The following COA1 variants were observed in gnomAD, a reference collection of about 807,000 sequenced individuals.
The protein encoded by COA1 is cytochrome c oxidase assembly factor 1 homolog.
A neutral mutation model predicts 16.0 loss-of-function variants in COA1; 13 were observed. That is an observed-to-expected ratio of 0.81 (90% CI 0.53 to 1.29). The LOEUF (loss-of-function observed/expected upper bound fraction) is 1.29, where lower values mean the gene tolerates loss of function less well. Ranked by LOEUF, COA1 falls within the 50% of genes most tolerant of loss-of-function variation. COA1 has a pLI of 0.00. For missense variants in COA1, 179 were observed against 177.0 expected, an observed-to-expected ratio of 1.01 and a Z score of -0.06; for synonymous variants, 65 against 65.7, an observed-to-expected ratio of 0.99 and a Z score of 0.05.
At chr7:43,616,693 C>T (rs535084342) in intron 6 of COA1, among the ~76,000 whole-genome samples, 296 of 152,092 alleles carry the variant, frequency 1.9e-3, no homozygotes, top group African/African-American at 6.9e-3. Flanking sequence ...GTCAGGAGAT[C>T]GAGACCATCC....
chr7:43,668,082 G>C (rs935703594), intron 1 of COA1, among the ~76,000 whole-genome samples: 4 of 152,230 alleles, frequency 2.6e-5, no homozygotes, highest in Non-Finnish European at 4.4e-5. Flanking sequence ...TTGACTGAAA[G>C]GGTGTGTTTC....
intron 1 of COA1, among the ~76,000 whole-genome samples, chr7:43,669,202 C>T (rs1022772112): frequency 6.6e-6 from 1 of 152,144 alleles, no homozygotes; most frequent in Non-Finnish European, 1.5e-5. Context: ...GTGACATCTC[C>T]ACATGGGGGG....
At chr7:43,685,948 T>C (rs1467991124) in intron 1 of COA1, among the ~76,000 whole-genome samples, 1 of 152,198 alleles carries the variant, frequency 6.6e-6, no homozygotes, top group African/African-American at 2.4e-5. Context: ...TCCTGGTTGA[T>C]ACAAAAAAAT....
chr7:43,619,530 T>A, intron 6 of COA1: 1 of 1,555,116 alleles, frequency 6.4e-7, no homozygotes, highest in Non-Finnish European at 8.7e-7. Flanking sequence ...ATATGTTTTA[T>A]GGGCTGCATG....
intron 1 of COA1, 119 bp from the exon 2 acceptor site, chr7:43,648,771 T>C: frequency 1.4e-6 from 1 of 722,676 alleles, no homozygotes. Context: ...GAAGTTAAAA[T>C]TAAACTCTAA....
chr7:43,692,025 T>C (rs2094388291), intron 1 of COA1, among the ~76,000 whole-genome samples: 1 of 152,150 alleles, frequency 6.6e-6, no homozygotes, highest in African/African-American at 2.4e-5. Flanking sequence ...CCCTGTAACT[T>C]GGTTCAAGCT....
intron 4 of COA1, among the ~76,000 whole-genome samples, chr7:43,644,805 G>GC (rs2088680751): frequency 7.0e-6 from 1 of 143,472 alleles, no homozygotes; most frequent in Admixed American, 6.9e-5. Context: ...GAGACAGAGA[G>GC]AGAGAGAGAG....
chr7:43,675,265 CTT>C (rs1326778857), intron 1 of COA1, among the ~76,000 whole-genome samples: 4 of 152,150 alleles, frequency 2.6e-5, no homozygotes, highest in African/African-American at 9.7e-5. Flanking sequence ...AAAATGAAGA[CTT>C]CATGTCCTTT....
At chr7:43,633,554 A>G (rs2085379771) in intron 6 of COA1, 1 of 150,928 alleles carries the variant, frequency 6.6e-6, no homozygotes. Context: ...ATCACTGATC[A>G]CAGCTCTCCA....
At chr7:43,634,316 C>T (rs1397038011), downstream of COA1, among the ~76,000 whole-genome samples, 2 of 152,140 alleles carry the variant, frequency 1.3e-5, no homozygotes, top group African/African-American at 2.4e-5. Flanking sequence ...ATCATGTTTT[C>T]GTAGGTCTAC....
chr7:43,636,750 G>A (rs940062888), downstream of COA1, among the ~76,000 whole-genome samples: 3 of 152,214 alleles, frequency 2.0e-5, no homozygotes, highest in Admixed American at 6.5e-5. Context: ...GCAAGTGGAG[G>A]CTAATTCTAG....
At chr7:43,624,618 A>G (rs747876258) in intron 6 of COA1, 20 of 1,613,996 alleles carry the variant, frequency 1.2e-5, no homozygotes, top group South Asian at 2.2e-5. Flanking sequence ...AGAAGAAGCA[A>G]ATGCCCTCCA....
intron 1 of COA1, among the ~76,000 whole-genome samples, chr7:43,724,792 C>A (rs892809428): frequency 6.6e-6 from 1 of 152,168 alleles, no homozygotes; most frequent in African/African-American, 2.4e-5. Flanking sequence ...ATGAAATAAA[C>A]CAGACTCAAA....
intron 1 of COA1, among the ~76,000 whole-genome samples, chr7:43,664,070 A>T (rs960207014): frequency 2.1e-5 from 3 of 145,602 alleles, no homozygotes; most frequent in East Asian, 2.0e-4. Context: ...AATTTTTTTT[A>T]AAAAATGGAA....
intron 1 of COA1, among the ~76,000 whole-genome samples, chr7:43,713,911 C>T (rs1480899647): frequency 2.0e-5 from 3 of 152,078 alleles, no homozygotes; most frequent in Non-Finnish European, 2.9e-5. Flanking sequence ...TGGTGGCGCA[C>T]ACCCATAATC....
downstream of COA1, chr7:43,639,172 GCTA>G (rs1210634606): frequency 6.5e-6 from 1 of 154,054 alleles, no homozygotes; most frequent in Non-Finnish European, 1.4e-5. Flanking sequence ...TCCCTTCAGT[GCTA>G]CTAAGCTTCA....
intron 1 of COA1, among the ~76,000 whole-genome samples, chr7:43,677,344 C>T (rs1184818450): frequency 6.6e-6 from 1 of 152,152 alleles, no homozygotes; most frequent in East Asian, 1.9e-4. Flanking sequence ...CAAACTCTAA[C>T]ACCGTTTATT....
At chr7:43,625,194 A>T (rs2084374650) in intron 6 of COA1, 3 of 188,008 alleles carry the variant, frequency 1.6e-5, no homozygotes, top group African/African-American at 2.4e-5. Flanking sequence ...CACTTCTGTA[A>T]ATCTCTTGCA....
At chr7:43,657,943 A>G (rs753099767) in intron 1 of COA1, among the ~76,000 whole-genome samples, 4 of 152,186 alleles carry the variant, frequency 2.6e-5, no homozygotes, top group Non-Finnish European at 5.9e-5. Flanking sequence ...TTGCAAATTA[A>G]AACAACGAGA....
Sources: gnomAD v4.1 joint callset for allele counts (sites outside exome capture counted in the v4.1 genomes callset) on GRCh38, gnomAD v4.1.1 for gene constraint, MANE v1.5 for transcripts, NCBI Gene and HGNC (gene_info 2026-07-23, HGNC 2026-07-21) for gene names.